Variants in DDR1 observed in about 807,000 individuals in gnomAD.
DDR1 encodes epithelial discoidin domain-containing receptor 1.
A neutral mutation model predicts 97.4 loss-of-function variants in DDR1; 64 were observed. The ratio of observed to expected loss-of-function variants is 0.66; its 90% CI spans 0.54 to 0.81. The LOEUF is 0.81. Among genes scored for constraint, DDR1 ranks in the 30% least tolerant of loss-of-function variants. DDR1 has a pLI of 0.00. For missense variants in DDR1, 990 were observed against 1,259.6 expected (o/e 0.79, Z 3.24); for synonymous variants, 458 against 503.7 (o/e 0.91, Z 1.21).
Position 30,884,954 on chromosome 6 carries a change from G to A in DDR1, c.-43+244G>A. 1 of 466,544 alleles carries A rather than the reference G, an allele frequency of 2.1e-6. No individual in the cohort carries two copies. The highest frequency in any genetic ancestry group is 3.1e-5 in the East Asian group (1 of 32,628). The allele number at this position is 466,544 out of a possible 1,614,324, so 28.9% of individuals were successfully genotyped here. On this transcript the variant is annotated intron_variant, in intron 1 of 17. Transcript: ENST00000376568. The surrounding 1 kb of genome is among the most constrained non-coding windows in gnomAD (Gnocchi z 6.1). ...TCCCAGAAAGAGTTTTGAGCCTCCA[G>A]CCTTGAGGCAAGTCCCCTCTCACTC...
rs187204765 is a variant in DDR1 at position 30,895,082 on chromosome 6, A to C, written c.1514-322A>C. On this transcript the variant is annotated intron_variant, in intron 11 of 17. Transcript: ENST00000376568. ...ATCTGTCTTTCTATCTATATTCATA[A>C]ATCTATTCATCCATCCATCCACCCA... Among the ~76,000 whole-genome samples, 375 of 152,064 alleles carry C rather than the reference A, an allele frequency of 2.5e-3. 1 individual carries two copies. Among genetic ancestry groups the C allele is most frequent in the Middle Eastern group, 0.01 (3 of 294 alleles).
rs1407513054 is a variant in DDR1 at position 30,899,237 on chromosome 6, C to G, written c.2683C>G (p.Arg895Gly). 1 of 1,614,158 alleles carries G rather than the reference C, an allele frequency of 6.2e-7. No individual in the cohort carries two copies. Among genetic ancestry groups the G allele is most frequent in the Non-Finnish European group, 8.5e-7 (1 of 1,180,018 alleles). ...GTGCTGGAGCCGGGAGTCTGAGCAGCGACCACCCTTTTCCCAGCTGCATCG... is the reference window on the plus strand; with the variant it reads ...GTGCTGGAGCCGGGAGTCTGAGCAGGGACCACCCTTTTCCCAGCTGCATCG... ...LRCWSRESEQ[R>G]PPFSQLHRFL... Residue 895 changes from arginine to glycine, a missense_variant, in exon 18 of 18, where the codon CGA becomes GGA. Coordinates refer to ENST00000376568, the MANE Select transcript of DDR1 (RefSeq NM_001297654.2).
rs1265731915 is a variant in DDR1 at position 30,888,093 on chromosome 6, A to C, written c.-42-595A>C. Among the ~76,000 whole-genome samples, 2 of 152,162 alleles carry C rather than the reference A, an allele frequency of 1.3e-5. No individual in the cohort carries two copies. The highest frequency in any genetic ancestry group is 3.8e-4 in the East Asian group (2 of 5,198). On this transcript the variant is annotated intron_variant, in intron 1 of 17. Transcript: ENST00000376568. This position sits in a 1 kb window ranked among gnomAD's most constrained non-coding sequence, Gnocchi z 4.2. ...CTTTTATATGTTACAGCCTTAAAAA[A>C]ATATCTTGTCAGTCTGCTTGGTATT... is the stretch of plus-strand genomic sequence containing the variant.
rs1789898159 is a variant in DDR1 at position 30,894,424 on chromosome 6, G to A, written c.1348-82G>A. On this transcript the variant is annotated intron_variant, in intron 10 of 17. Coordinates refer to ENST00000376568, the MANE Select transcript of DDR1 (RefSeq NM_001297654.2). This position sits in a 1 kb window ranked among gnomAD's most constrained non-coding sequence, Gnocchi z 5.7. ...TAGGGCTCTTGTGAGGGCTGAGGGA[G>A]GGAACGCAGGGATGGACACAGCAGA... The A allele has an allele frequency of 7.2e-7, 1 of 1,386,122 alleles. No homozygotes were observed. Among genetic ancestry groups the A allele is most frequent in the Non-Finnish European group, 9.7e-7 (1 of 1,031,234 alleles). 85.9% of individuals were successfully genotyped at this position (1,386,122 alleles called of 1,614,324 possible).
rs539312863 is a variant in DDR1, at chr6:30,893,977, C to T, written c.1348-529C>T. ...GTACATTAAGGTTGATGACTGGACA[C>T]GGTGGCTCATGCCTGTAATCCTAGC... On this transcript the variant is annotated intron_variant, in intron 10 of 17. Transcript: ENST00000376568. 8.5e-5 allele frequency among the ~76,000 whole-genome samples: 13 copies of T among 152,254 alleles called. No individual in the cohort carries two copies. The South Asian group carries it at 2.1e-3, about 24-fold the overall frequency.
Position 30,894,484 on chromosome 6 carries a change from T to C in DDR1, c.1348-22T>C. 1.9e-6 allele frequency: 3 copies of C among 1,588,268 alleles called. No individual in the cohort carries two copies. The highest frequency in any genetic ancestry group is 1.7e-6 in the Non-Finnish European group (2 of 1,165,200). On this transcript the variant is annotated intron_variant, in intron 10 of 17. Transcript: ENST00000376568. The surrounding 1 kb of genome is among the most constrained non-coding windows in gnomAD (Gnocchi z 5.7). ...CGTGTGTGCTGAGCAACACGGGTGA[T>C]GCCTCCCATCCCTATGACAAGGCTG...
rs768284797 is a variant in DDR1, at chr6:30,888,715, G to A, written c.-15G>A. The A allele has an allele frequency of 3.0e-5, 48 of 1,612,530 alleles. No homozygotes were observed. Among genetic ancestry groups the A allele is most frequent in the East Asian group, 6.7e-5 (3 of 44,882 alleles). On this transcript the variant is annotated 5_prime_UTR_variant, in exon 2 of 18. Transcript: ENST00000376568. This position sits in a 1 kb window ranked among gnomAD's most constrained non-coding sequence, Gnocchi z 4.2. ...ATGCTGCCCCCACCCCCTTAGGCCC[G>A]AGGGATCAGGAGCTATGGGACCAGA...
In DDR1 at chr6:30,891,131, C is replaced by T. The variant is rs963227228; in HGVS notation, c.565+11C>T. ...GCTGCCTCTGGAGGGGTGAGTGGCT[C>T]AGCTTCCTGGGAATCTGTTTCCTGA... On this transcript the variant is annotated intron_variant, in intron 5 of 17. Coordinates refer to ENST00000376568, the MANE Select transcript of DDR1 (RefSeq NM_001297654.2). The surrounding 1 kb of genome is among the most constrained non-coding windows in gnomAD (Gnocchi z 5.3). 5 of 1,612,556 alleles carry T rather than the reference C, an allele frequency of 3.1e-6. No homozygotes were observed. The highest frequency in any genetic ancestry group is 3.4e-6 in the Non-Finnish European group (4 of 1,179,942).
chr6:30,895,463 C>G lies in DDR1; in HGVS notation c.1573C>G (p.Arg525Gly), dbSNP rs750525973. ...LLLATYARPP[R>G]GPGPPTPAWA... The stretch of plus-strand genomic sequence containing the variant: ...TCTGGCCACTTACGCCCGTCCCCCT[C>G]GAGGCCCGGGCCCCCCCACACCCGC... Residue 525 changes from arginine to glycine, a missense_variant, in exon 12 of 18, where the codon CGA (arginine) becomes GGA (glycine). Transcript: ENST00000376568. The G allele has an allele frequency of 1.2e-6, 2 of 1,607,908 alleles. No homozygotes were observed. The highest frequency in any genetic ancestry group is 3.4e-5 in the Admixed American group (2 of 59,674).
chr6:30,896,588 C>T (rs1432631375), intron 12 of DDR1, 33 bp from the exon 13 acceptor site: 1 of 1,598,606 alleles, frequency 6.3e-7, no homozygotes, highest in Non-Finnish European at 8.5e-7. Flanking sequence ...TTCCTGATGC[C>T]TCGTCCTGTC....
intron 1 of DDR1, chr6:30,885,270 G>A: frequency 6.5e-7 from 1 of 1,531,272 alleles, no homozygotes; most frequent in East Asian, 2.5e-5. Context: ...CCCATGCCTG[G>A]CTCTTGGCTG....
Position 30,897,659 on chromosome 6 carries a change from C to G in DDR1, c.2216+62C>G. On this transcript the variant is annotated intron_variant, in intron 15 of 17. Transcript: ENST00000376568. This position sits in a 1 kb window ranked among gnomAD's most constrained non-coding sequence, Gnocchi z 5.2. The stretch of plus-strand genomic sequence containing the variant: ...CCCCCAGGGGATCTCCTCCTCTCCC[C>G]TCGCTTCAGCCTGGAGGAAAAGAGG... 7.2e-7 allele frequency: 1 copy of G among 1,381,006 alleles called. No individual in the cohort carries two copies. Among genetic ancestry groups the G allele is most frequent in the Non-Finnish European group, 1.0e-6 (1 of 1,002,512 alleles). The allele number at this position is 1,381,006 out of a possible 1,614,324, so 85.5% of individuals were successfully genotyped here.
At chr6:30,892,784 G>A in intron 8 of DDR1, 1 of 591,756 alleles carries the variant, frequency 1.7e-6, no homozygotes, top group South Asian at 2.4e-5. Flanking sequence ...TGACAGTACT[G>A]GTTGTTAAAA....
At position 30,888,111 on chromosome 6, in the gene DDR1, T is replaced by A. The variant is rs1786570178; in HGVS notation, c.-42-577T>A. On this transcript the variant is annotated intron_variant, in intron 1 of 17. Coordinates refer to ENST00000376568, the MANE Select transcript of DDR1 (RefSeq NM_001297654.2). The surrounding 1 kb of genome is among the most constrained non-coding windows in gnomAD (Gnocchi z 4.2). ...TTAAAAAAATATCTTGTCAGTCTGC[T>A]TGGTATTTCCCTGAGGCTGGTGAAT... Among the ~76,000 whole-genome samples the A allele has an allele frequency of 6.6e-6, 1 of 152,230 alleles. No homozygotes were observed.
intron 11 of DDR1, 30 bp from the exon 12 acceptor site, chr6:30,895,374 C>T: frequency 1.9e-6 from 3 of 1,557,598 alleles, no homozygotes; most frequent in Non-Finnish European, 2.6e-6. Context: ...CATCCCTTCC[C>T]CGTGTTTCCC....
rs1414874628 is a variant in DDR1 at position 30,888,855 on chromosome 6, G to C, written c.85+41G>C. ...CATGGGTCCCTGAGGGCCAGGGCTT[G>C]GGAGGTAGAGAGTTGGGGGCCTTGA... On this transcript the variant is annotated intron_variant, in intron 2 of 17. Transcript: ENST00000376568. The surrounding 1 kb of genome is among the most constrained non-coding windows in gnomAD (Gnocchi z 4.2). 3 of 1,612,846 alleles carry C rather than the reference G, an allele frequency of 1.9e-6. No individual in the cohort carries two copies. Among genetic ancestry groups the C allele is most frequent in the East Asian group, 2.2e-5 (1 of 44,890 alleles).
In DDR1 at chr6:30,897,678, A is replaced by G; in HGVS notation, c.2216+81A>G. The G allele has an allele frequency of 4.1e-6, 5 of 1,216,300 alleles. No individual in the cohort carries two copies. Among genetic ancestry groups the G allele is most frequent in the Non-Finnish European group, 5.8e-6 (5 of 866,598 alleles). The allele number at this position is 1,216,300 out of a possible 1,614,324, so 75.3% of individuals were successfully genotyped here. A position where few individuals can be genotyped will look rare whatever the true frequency, so the allele number is the denominator to read the frequency against. The stretch of plus-strand genomic sequence containing the variant: ...TCTCCCCTCGCTTCAGCCTGGAGGA[A>G]AAGAGGGGAGCGTGGGGGTGGGAAG... On this transcript the variant is annotated intron_variant, in intron 15 of 17. Transcript: ENST00000376568. This position sits in a 1 kb window ranked among gnomAD's most constrained non-coding sequence, Gnocchi z 5.2.
chr6:30,894,436 A>T lies in DDR1; in HGVS notation c.1348-70A>T. On this transcript the variant is annotated intron_variant, in intron 10 of 17. Coordinates refer to ENST00000376568, the MANE Select transcript of DDR1 (RefSeq NM_001297654.2). The surrounding 1 kb of genome is among the most constrained non-coding windows in gnomAD (Gnocchi z 5.7). ...GAGGGCTGAGGGAGGGAACGCAGGG[A>T]TGGACACAGCAGAGGGCCAGGCCGT... 1 of 1,462,782 alleles carries T rather than the reference A, an allele frequency of 6.8e-7. No individual in the cohort carries two copies. The highest frequency in any genetic ancestry group is 9.2e-7 in the Non-Finnish European group (1 of 1,089,850). The allele number at this position is 1,462,782 out of a possible 1,614,324, so 90.6% of individuals were successfully genotyped here. A position where few individuals can be genotyped will look rare whatever the true frequency, so the allele number is the denominator to read the frequency against.
Position 30,899,276 on chromosome 6 carries a change from G to A in DDR1, c.2722G>A (p.Asp908Asn). The A allele has an allele frequency of 6.2e-7, 1 of 1,613,352 alleles. No individual in the cohort carries two copies. Among genetic ancestry groups the A allele is most frequent in the Non-Finnish European group, 8.5e-7 (1 of 1,179,546 alleles). ...FSQLHRFLAE[D>N]ALNTV The stretch of plus-strand genomic sequence containing the variant: ...CCAGCTGCATCGGTTCCTGGCAGAG[G>A]ATGCACTCAACACGGTGTGAATCAC... Residue 908 changes from aspartate (D) to asparagine (N), a missense_variant, in exon 18 of 18, where the codon GAT (aspartate) becomes AAT (asparagine). Transcript: ENST00000376568.
Sources: allele counts gnomAD v4.1 joint callset (sites outside exome capture counted in the v4.1 genomes callset), GRCh38; gene constraint gnomAD v4.1.1; non-coding constraint Gnocchi (gnomAD v3.1); transcripts MANE v1.5; gene names NCBI Gene and HGNC (gene_info 2026-07-23, HGNC 2026-07-21).